Variants in AKAP13 observed in about 807,000 individuals in gnomAD.
The protein encoded by AKAP13 is A-kinase anchoring protein 13, also known as A-kinase anchor protein 13.
AKAP13 carries 80 observed loss-of-function variants against 264.5 expected under a neutral mutation model. The ratio of observed to expected loss-of-function variants is 0.30; its 90% confidence interval spans 0.25 to 0.36. The LOEUF (loss-of-function observed/expected upper bound fraction) is 0.36, where lower values mean the gene tolerates loss of function less well. Among genes scored for constraint, AKAP13 ranks in the 10% least tolerant of loss-of-function variants. The pLI is 1.00. For missense variants in AKAP13, 3,712 were observed against 3,435.2 expected (o/e 1.08, Z -2.01); for synonymous variants, 1,380 against 1,250.2 (o/e 1.10, Z -2.19).
intron 36 of AKAP13, 48 bp from the exon 37 acceptor site, chr15:85,744,580 G>C (rs755428939): frequency 6.3e-7 from 1 of 1,597,944 alleles, no homozygotes; most frequent in East Asian, 2.2e-5. Context: ...TTCAATGAAA[G>C]GAGCAGTTTT....
chr15:85,549,137 C>CTT (rs1169438655), intron 5 of AKAP13, among the ~76,000 whole-genome samples: 7 of 152,050 alleles, frequency 4.6e-5, no homozygotes, highest in Non-Finnish European at 7.4e-5. Context: ...AATGTCCCTA[C>CTT]TTGATGTAGG....
intron 5 of AKAP13, among the ~76,000 whole-genome samples, chr15:85,559,397 T>C (rs1438140525): frequency 6.6e-6 from 1 of 152,174 alleles, no homozygotes; most frequent in Non-Finnish European, 1.5e-5. Context: ...AGACAGTTTT[T>C]TCATGGACCT....
chr15:85,522,944 GC>G (rs2076881073), intron 3 of AKAP13, among the ~76,000 whole-genome samples: 1 of 40,200 alleles, frequency 2.5e-5, no homozygotes, highest in African/African-American at 9.2e-5. Context: ...TCCCCCCGTC[GC>G]CCCCATCCCA....
rs116134739 is a variant in AKAP13 at position 85,579,634 on chromosome 15, C to T, written c.1566C>T (p.His522=). The change falls in exon 7 of 37, where the codon CAC becomes CAT. Residue 522 remains histidine, a synonymous_variant. Transcript: ENST00000394518. ...NIGTAGASDV[H]VTSKPVDKIS... ...GCACAGCTGGAGCCTCTGACGTGCA[C>T]GTCACAAGTAAGCCTGTGGATAAAA... is the stretch of plus-strand genomic sequence containing the variant. The T allele has an allele frequency of 3.5e-5, 56 of 1,614,188 alleles. No homozygotes were observed. Among genetic ancestry groups the T allele is most frequent in the African/African-American group, 5.3e-5 (4 of 75,052 alleles).
intron 4 of AKAP13, among the ~76,000 whole-genome samples, chr15:85,538,008 G>A (rs960968780): frequency 6.6e-6 from 1 of 152,144 alleles, no homozygotes; most frequent in East Asian, 1.9e-4. Flanking sequence ...CAGGTGATAA[G>A]GATTCATCTG....
rs2079116462 is a variant in AKAP13 at position 85,579,643 on chromosome 15, T to G, written c.1575T>G (p.Ser525Arg). The part of the protein sequence containing the change: ...TAGASDVHVT[S>R]KPVDKISVPN... ...GAGCCTCTGACGTGCACGTCACAAG[T>G]AAGCCTGTGGATAAAATCAGTGTTC... Residue 525 changes from serine (S) to arginine (R), a missense_variant, in exon 7 of 37, where the codon AGT (serine) becomes AGG (arginine). By Grantham distance (110) the Ser-to-Arg change is moderately radical (BLOSUM62 -1). This residue lies in a region of AKAP13 where 2,759 missense variants were observed against 2,411.7 expected (regional missense o/e 1.14). Transcript: ENST00000394518. 6.2e-7 allele frequency: 1 copy of G among 1,614,072 alleles called. No homozygotes were observed. The highest frequency in any genetic ancestry group is 1.1e-5 in the South Asian group (1 of 91,084).
intron 8 of AKAP13, among the ~76,000 whole-genome samples, chr15:85,609,736 T>A (rs2080516976): frequency 6.6e-6 from 1 of 152,244 alleles, no homozygotes; most frequent in African/African-American, 2.4e-5. Flanking sequence ...ATCTGATGCA[T>A]GTAACCAGAC....
Position 85,718,063 on chromosome 15 carries a change from A to C in AKAP13, c.5905A>C (p.Lys1969Gln), listed in dbSNP as rs770748596. Residue 1969 changes from lysine (K) to glutamine (Q), a missense_variant, in exon 22 of 37, where the codon AAA becomes CAA. By Grantham distance (53) the Lys-to-Gln change is moderately conservative. Transcript: ENST00000394518. This position sits in a 1 kb window ranked among gnomAD's most constrained non-coding sequence, Gnocchi z 4.9. Reference protein sequence around the residue: ...QLLGDFEIESKQLEAESWSRI... With the variant: ...QLLGDFEIESQQLEAESWSRI... ...ACTGGGAGACTTTGAGATTGAGTCC[A>C]AACAGCTGGAAGCAGAGTCTTGGAG... The C allele has an allele frequency of 1.2e-6, 2 of 1,614,174 alleles. No homozygotes were observed. Among genetic ancestry groups the C allele is most frequent in the Non-Finnish European group, 1.7e-6 (2 of 1,179,998 alleles).
rs1567137645 is a variant in AKAP13 at position 85,580,834 on chromosome 15, A to G, written c.2766A>G (p.Ala922=). 3 of 1,614,030 alleles carry G rather than the reference A, an allele frequency of 1.9e-6. No homozygotes were observed. The highest frequency in any genetic ancestry group is 2.5e-6 in the Non-Finnish European group (3 of 1,180,040). The change falls in exon 7 of 37, where the codon GCA becomes GCG. Residue 922 remains alanine, a synonymous_variant. Transcript: ENST00000394518. ...TTCTGGTGGTTTCAGAAAGCTCTGCAGCTCAGGAACAAGATAAGGATAAAG... is the reference window on the plus strand; with the variant it reads ...TTCTGGTGGTTTCAGAAAGCTCTGCGGCTCAGGAACAAGATAAGGATAAAG... ...GKLLVVSESS[A]AQEQDKDKAV...
chr15:85,400,405 T>A lies in AKAP13; in HGVS notation c.-12+19607T>A, dbSNP rs527707749. On this transcript the variant is annotated intron_variant, in intron 1 of 36. Transcript: ENST00000394518. ...CAGCCTGGGTGACAAAGCAAGATCC[T>A]GTCTCTAAAAAAAAAATTAAAAAAC... 3.9e-5 allele frequency among the ~76,000 whole-genome samples: 6 copies of A among 152,168 alleles called. No individual in the cohort carries two copies. In the East Asian group the frequency reaches 1.2e-3, roughly 29 times the overall value.
intron 10 of AKAP13, among the ~76,000 whole-genome samples, chr15:85,647,761 C>A (rs1037345302): frequency 2.6e-5 from 4 of 151,998 alleles, no homozygotes; most frequent in Admixed American, 2.6e-4. Context: ...CTGGCTAACA[C>A]GGTGAAACCC....
rs143505118 is a variant in AKAP13 at position 85,580,813 on chromosome 15, G to C, written c.2745G>C (p.Leu915=). The change falls in exon 7 of 37, where the codon CTG becomes CTC. Residue 915 remains leucine (L), a synonymous_variant. Transcript: ENST00000394518. ...DSVLTEEGKL[L]VVSESSAAQE... Reference sequence around the variant, plus strand: ...TTTTGACTGAAGAAGGAAAACTTCTGGTGGTTTCAGAAAGCTCTGCAGCTC... The same window carrying C: ...TTTTGACTGAAGAAGGAAAACTTCTCGTGGTTTCAGAAAGCTCTGCAGCTC... 1,116 of 1,614,020 alleles carry C rather than the reference G, an allele frequency of 6.9e-4. 16 individuals are homozygous for C. In the Admixed American group the frequency reaches 0.018, roughly 26 times the overall value.
At chr15:85,611,303 C>G (rs1397415868) in intron 8 of AKAP13, among the ~76,000 whole-genome samples, 2 of 152,172 alleles carry the variant, frequency 1.3e-5, no homozygotes, top group African/African-American at 2.4e-5. Context: ...TGGCTCTGCT[C>G]AGATATCTCT....
chr15:85,450,404 A>G (rs555165435), intron 1 of AKAP13, among the ~76,000 whole-genome samples: 1 of 151,804 alleles, frequency 6.6e-6, no homozygotes, highest in South Asian at 2.1e-4. Flanking sequence ...TTCTTCTGCT[A>G]GCTTTGGGGT....
At chr15:85,647,885 G>A (rs2151495284) in intron 10 of AKAP13, among the ~76,000 whole-genome samples, 1 of 151,860 alleles carries the variant, frequency 6.6e-6, no homozygotes, top group Non-Finnish European at 1.5e-5. Context: ...CCGAGATTGT[G>A]CCACTGCACT....
At chr15:85,671,080 A>G (rs916189157) in intron 14 of AKAP13, 3 of 151,826 alleles carry the variant, frequency 2.0e-5, no homozygotes, top group Non-Finnish European at 4.4e-5. Flanking sequence ...CTGAAAGACC[A>G]TGTGTCTCGG....
At chr15:85,649,864 C>G (rs1454219728) in intron 10 of AKAP13, among the ~76,000 whole-genome samples, 1 of 152,126 alleles carries the variant, frequency 6.6e-6, no homozygotes, top group African/African-American at 2.4e-5. Flanking sequence ...CTAGGCCACT[C>G]TACTATCCAA....
intron 5 of AKAP13, among the ~76,000 whole-genome samples, chr15:85,567,114 T>G (rs1424944336): frequency 6.6e-6 from 1 of 152,068 alleles, no homozygotes; most frequent in Non-Finnish European, 1.5e-5. Flanking sequence ...CAAGTGCAGT[T>G]TTTTGTTTTT....
chr15:85,658,639 A>G, intron 12 of AKAP13, 49 bp downstream of exon 12: 1 of 1,517,294 alleles, frequency 6.6e-7, no homozygotes, highest in South Asian at 1.2e-5. Context: ...CTCTGAGCAT[A>G]TACTAACAAG....
Sources: allele counts gnomAD v4.1 joint callset (sites outside exome capture counted in the v4.1 genomes callset), GRCh38; gene constraint gnomAD v4.1.1; regional missense constraint gnomAD v4.1.1; non-coding constraint Gnocchi (gnomAD v3.1); transcripts MANE v1.5; gene names NCBI Gene and HGNC (gene_info 2026-07-23, HGNC 2026-07-21).